Variants in LARGE2 observed in about 807,000 individuals in gnomAD.
The protein encoded by LARGE2 is xylosyl- and glucuronyltransferase LARGE2.
LARGE2 carries 63 observed loss-of-function variants against 75.3 expected under a neutral mutation model. The observed-to-expected ratio is 0.84, with a 90% CI of 0.68 to 1.03. The LOEUF (loss-of-function observed/expected upper bound fraction) is 1.03, where lower values mean the gene tolerates loss of function less well. Ranked by LOEUF, LARGE2 falls within the 50% of genes least tolerant of loss-of-function variation. The pLI is 0.00. For missense variants in LARGE2, 925 were observed against 980.6 expected (o/e 0.94, Z 0.76); for synonymous variants, 428 against 420.1 (o/e 1.02, Z -0.23).
rs1188726036 is a variant in LARGE2 at position 45,927,961 on chromosome 11, C to T, written c.1646C>T (p.Ala549Val). ...CTGGGGCTGGGCAGCCGGCGCAAGG[C>T]AGCACTGGTGGTGCCGGCATTCGAG... is the stretch of plus-strand genomic sequence containing the variant. Reference protein sequence around the residue: ...EQLGLGSRRKAALVVPAFETL... With the variant: ...EQLGLGSRRKVALVVPAFETL... The change falls in exon 12 of 14, where the codon GCA becomes GTA. Residue 549 changes from alanine (A) to valine (V), a missense_variant. Ala to Val is a moderately conservative substitution (Grantham distance 64). Transcript: ENST00000401752. The T allele has an allele frequency of 6.2e-7, 1 of 1,613,748 alleles. No homozygotes were observed. The highest frequency in any genetic ancestry group is 1.7e-5 in the Admixed American group (1 of 60,020).
chr11:45,928,260 C>A lies in LARGE2; in HGVS notation c.1838C>A (p.Ala613Glu). ...EAQAPYRVQW[A>E]ANYEPYVVVP... ...CAGGCCCCGTACCGTGTGCAATGGG[C>A]GGCCAACTATGAACCCTACGTGGTG... is the stretch of plus-strand genomic sequence containing the variant. The change falls in exon 13 of 14, where the codon GCG (alanine) becomes GAG (glutamate). Residue 613 changes from alanine to glutamate, a missense_variant. By Grantham distance (107) the Ala-to-Glu change is moderately radical (BLOSUM62 -1). Around this residue, in one of 3 missense-constraint regions of LARGE2, gnomAD observed 469 missense variants for 503.8 expected, o/e 0.93. Coordinates refer to ENST00000401752, the MANE Select transcript of LARGE2 (RefSeq NM_001300721.2). The A allele has an allele frequency of 6.2e-7, 1 of 1,614,074 alleles. No individual in the cohort carries two copies. Among genetic ancestry groups the A allele is most frequent in the Non-Finnish European group, 8.5e-7 (1 of 1,180,036 alleles).
rs965236613 is a variant in LARGE2, at chr11:45,923,486, C to G, written c.299C>G (p.Ala100Gly). Residue 100 changes from alanine (A) to glycine (G), a missense_variant, in exon 3 of 14, where the codon GCC (alanine) becomes GGC (glycine). This residue lies in a region of LARGE2 where 453 missense variants were observed against 460.2 expected (regional missense o/e 0.98). Transcript: ENST00000401752. Reference protein sequence around the residue: ...PPPKCELLHVAIVCAGHNSSR... With the variant: ...PPPKCELLHVGIVCAGHNSSR... Reference sequence around the variant, plus strand: ...GTCCCTCCCCAGCTCTTGCATGTGGCCATCGTGTGTGCGGGGCATAACTCC... The same window carrying G: ...GTCCCTCCCCAGCTCTTGCATGTGGGCATCGTGTGTGCGGGGCATAACTCC... 1.3e-5 allele frequency: 21 copies of G among 1,613,600 alleles called. No homozygotes were observed. In the Admixed American group the frequency reaches 2.7e-4, roughly 20 times the overall value.
chr11:45,928,647 G>C lies in LARGE2; in HGVS notation c.1968G>C (p.Val656=). The part of the protein sequence containing the change: ...ELDAQEYELL[V]LPEAFTIHLP... ...CCCTGCAGGAATATGAGCTCCTGGT[G>C]CTGCCCGAGGCCTTCACCATCCATC... The change falls in exon 14 of 14, where the codon GTG becomes GTC. Residue 656 remains valine, a synonymous_variant. Coordinates refer to ENST00000401752, the MANE Select transcript of LARGE2 (RefSeq NM_001300721.2). 1.2e-6 allele frequency: 2 copies of C among 1,613,946 alleles called. No homozygotes were observed. Among genetic ancestry groups the C allele is most frequent in the Non-Finnish European group, 1.7e-6 (2 of 1,179,902 alleles).
chr11:45,923,188 C>A, intron 2 of LARGE2, 21 bp downstream of exon 2: 1 of 1,325,588 alleles, frequency 7.5e-7, no homozygotes, highest in Non-Finnish European at 9.6e-7. Flanking sequence ...GCGGCCCTGG[C>A]GGCGGGAGTC....
At position 45,924,170 on chromosome 11, in the gene LARGE2, C is replaced by T. The variant is rs779150818; in HGVS notation, c.385C>T (p.Leu129Phe). The change falls in exon 4 of 14, where the codon CTC becomes TTC. Residue 129 changes from leucine to phenylalanine, a missense_variant. Leu to Phe is a conservative substitution (Grantham distance 22). Transcript: ENST00000401752. ...MLFYRKNPLH[L>F]HLVTDAVARN... ...ACCCAAAAGGAAAAATCCACTGCAC[C>T]TCCACTTGGTGACTGACGCCGTGGC... 6.2e-6 allele frequency: 10 copies of T among 1,612,260 alleles called. No homozygotes were observed. Among genetic ancestry groups the T allele is most frequent in the Middle Eastern group, 1.7e-4 (1 of 6,060 alleles).
upstream of LARGE2, chr11:45,922,575 C>T (rs982636036): frequency 1.8e-5 from 4 of 217,322 alleles, no homozygotes; most frequent in African/African-American, 4.6e-5. Flanking sequence ...GGCCAGGACC[C>T]CGGGGGGGTC....
chr11:45,928,548 G>T, intron 13 of LARGE2, 82 bp from the exon 14 acceptor site: 1 of 1,566,748 alleles, frequency 6.4e-7, no homozygotes, highest in Non-Finnish European at 8.7e-7. Context: ...GGGGCTACAG[G>T]GTAAGCCTGT....
Position 45,922,697 on chromosome 11 carries a change from C to A in LARGE2, c.-94C>A. 2 of 403,436 alleles carry A rather than the reference C, an allele frequency of 5.0e-6. No individual in the cohort carries two copies. The highest frequency in any genetic ancestry group is 8.3e-6 in the Non-Finnish European group (2 of 241,210). 25.0% of individuals were successfully genotyped at this position (403,436 alleles called of 1,614,324 possible). On this transcript the variant is annotated 5_prime_UTR_variant, in exon 1 of 14. Transcript: ENST00000401752. ...CCGCACCCTGGCCGGCGGCTGCGAG[C>A]GCAGGGCCCAGCCCGGGAGCCGCTG... is the stretch of plus-strand genomic sequence containing the variant.
chr11:45,922,408 C>T (rs1266462936), upstream of LARGE2, among the ~76,000 whole-genome samples: 2 of 152,146 alleles, frequency 1.3e-5, no homozygotes, highest in African/African-American at 4.8e-5. Flanking sequence ...GGGGGCAGGG[C>T]AGGGGGTCAG....
rs148470206 is a variant in LARGE2, at chr11:45,926,786, C to G, written c.1240C>G (p.Arg414Gly). The G allele has an allele frequency of 5.0e-6, 8 of 1,613,356 alleles. No individual in the cohort carries two copies. Among genetic ancestry groups the G allele is most frequent in the Non-Finnish European group, 5.9e-6 (7 of 1,179,964 alleles). Residue 414 changes from arginine (R) to glycine (G), a missense_variant, in exon 10 of 14, where the codon CGT becomes GGT. By Grantham distance (125) the Arg-to-Gly change is moderately radical. Coordinates refer to ENST00000401752, the MANE Select transcript of LARGE2 (RefSeq NM_001300721.2). Reference sequence around the variant, plus strand: ...CCGGCAGCAGCAGCTCACTGTGCACCGTGTGCATGTCACTTTCCTGCCCCA... The same window carrying G: ...CCGGCAGCAGCAGCTCACTGTGCACGGTGTGCATGTCACTTTCCTGCCCCA... ...EFRQQQLTVHRVHVTFLPHEP... is the reference protein window; with the variant it reads ...EFRQQQLTVHGVHVTFLPHEP...
intron 10 of LARGE2, among the ~76,000 whole-genome samples, 176 bp from the exon 11 acceptor site, chr11:45,927,139 C>T (rs1176572871): frequency 1.3e-5 from 2 of 152,162 alleles, no homozygotes; most frequent in Non-Finnish European, 2.9e-5. Context: ...GAGAAAGTAC[C>T]CACCTGGTGG....
In LARGE2 at chr11:45,926,858, C is replaced by A. The variant is rs747924189; in HGVS notation, c.1312C>A (p.Leu438Met). The change falls in exon 10 of 14, where the codon CTG (leucine) becomes ATG (methionine). Residue 438 changes from leucine to methionine, a missense_variant. This residue lies in a region of LARGE2 where 469 missense variants were observed against 503.8 expected (regional missense o/e 0.93). Transcript: ENST00000401752. ...TCACGATGTCACCCTTGTGGCCCAG[C>A]TGTCCATGGACCGGTGAGGGTGCAG... ...RPHDVTLVAQ[L>M]SMDRLQMLEA... is the part of the protein sequence containing the mutation. 1.9e-6 allele frequency: 3 copies of A among 1,611,264 alleles called. No homozygotes were observed. Among genetic ancestry groups the A allele is most frequent in the Non-Finnish European group, 2.5e-6 (3 of 1,179,352 alleles).
chr11:45,927,537 C>G lies in LARGE2; in HGVS notation c.1548C>G (p.Tyr516Ter). ...CCTTGGCCCAGGCCCTCACGCCTTA[C>G]GTCTTCCTCAGTGACATTGACTTCC... ...NVALAQALTP[Y>*]VFLSDIDFLP... is the part of the protein sequence containing the mutation. The change falls in exon 11 of 14, where the codon TAC (tyrosine) becomes TAG (stop). Residue 516 changes from tyrosine (Y) to a stop codon, truncating the protein, a stop_gained. Transcript: ENST00000401752. LOFTEE classifies it high-confidence loss of function. 4 of 1,614,176 alleles carry G rather than the reference C, an allele frequency of 2.5e-6. No individual in the cohort carries two copies. The highest frequency in any genetic ancestry group is 3.4e-6 in the Non-Finnish European group (4 of 1,180,034).
rs575347152 is a variant in LARGE2, at chr11:45,924,541, C to A, written c.528C>A (p.Ser176=). The change falls in exon 5 of 14, where the codon TCC becomes TCA. Residue 176 remains serine, a synonymous_variant. Coordinates refer to ENST00000401752, the MANE Select transcript of LARGE2 (RefSeq NM_001300721.2). ...CCTGGATCCCCAACAAGCACTACTC[C>A]GGCCTCTATGGGCTAATGAAGCTGG... The part of the protein sequence containing the change: ...QVSWIPNKHY[S]GLYGLMKLVL... 1 of 1,613,720 alleles carries A rather than the reference C, an allele frequency of 6.2e-7. No homozygotes were observed. Among genetic ancestry groups the A allele is most frequent in the South Asian group, 1.1e-5 (1 of 91,064 alleles).
intron 6 of LARGE2, 122 bp downstream of exon 6, chr11:45,925,011 T>C: frequency 1.7e-6 from 1 of 576,170 alleles, no homozygotes. Context: ...AAAAGAACCC[T>C]GGATGAAGAG....
rs770017268 is a variant in LARGE2, at chr11:45,926,062, C to T, written c.793C>T (p.Arg265Trp). The change falls in exon 7 of 14, where the codon CGG becomes TGG. Residue 265 changes from arginine (R) to tryptophan (W), a missense_variant. By Grantham distance (101) the Arg-to-Trp change is moderately radical. This residue lies in a region of LARGE2 where 453 missense variants were observed against 460.2 expected (regional missense o/e 0.98). Coordinates refer to ENST00000401752, the MANE Select transcript of LARGE2 (RefSeq NM_001300721.2). ...AGGTGTGATCCTGCTGCGGCTGGACCGGCTCCGGCAGGCTGGCTGGGAGCA... is the reference window on the plus strand; with the variant it reads ...AGGTGTGATCCTGCTGCGGCTGGACTGGCTCCGGCAGGCTGGCTGGGAGCA... ...NTGVILLRLD[R>W]LRQAGWEQMW... 2.8e-5 allele frequency: 44 copies of T among 1,558,058 alleles called. No individual in the cohort carries two copies. Among genetic ancestry groups the T allele is most frequent in the South Asian group, 9.4e-5 (8 of 84,720 alleles).
upstream of LARGE2, among the ~76,000 whole-genome samples, chr11:45,922,432 G>A (rs938643478): frequency 6.6e-6 from 1 of 152,092 alleles, no homozygotes; most frequent in Non-Finnish European, 1.5e-5. Context: ...AGGTAGCGGG[G>A]CCCGGGCCTT....
Position 45,928,054 on chromosome 11 carries a change from C to A in LARGE2, c.1739C>A (p.Thr580Asn), listed in dbSNP as rs766021186. Reference sequence around the variant, plus strand: ...CTGTTGGCCTTGCTGGATGCGGGCACTCTCTACACCTTCAGGTAGGAGAGG... The same window carrying A: ...CTGTTGGCCTTGCTGGATGCGGGCAATCTCTACACCTTCAGGTAGGAGAGG... The part of the protein sequence containing the change: ...VELLALLDAG[T>N]LYTFRYHEWP... Residue 580 changes from threonine to asparagine, a missense_variant, in exon 12 of 14, where the codon ACT becomes AAT. This residue lies in a region of LARGE2 where 469 missense variants were observed against 503.8 expected (regional missense o/e 0.93). Transcript: ENST00000401752. The A allele has an allele frequency of 2.2e-5, 36 of 1,613,718 alleles. No homozygotes were observed. In the South Asian group the frequency reaches 3.8e-4, roughly 17 times the overall value.
At chr11:45,922,234 C>T (rs973673980), upstream of LARGE2, among the ~76,000 whole-genome samples, 3 of 152,124 alleles carry the variant, frequency 2.0e-5, no homozygotes, top group African/African-American at 7.2e-5. Flanking sequence ...AGGTGTCGGC[C>T]GGCTCCGCCC....
Sources: gnomAD v4.1 joint callset for allele counts (sites outside exome capture counted in the v4.1 genomes callset) on GRCh38, gnomAD v4.1.1 for gene constraint, gnomAD v4.1.1 regional missense constraint, MANE v1.5 for transcripts, NCBI Gene and HGNC (gene_info 2026-07-23, HGNC 2026-07-21) for gene names.